The following IKZF1 variants were observed in gnomAD, a reference collection of about 807,000 sequenced individuals.
IKZF1 encodes DNA-binding protein Ikaros.
In IKZF1, 10 loss-of-function variants were observed where a neutral mutation model predicts 51.7. That is an observed-to-expected ratio of 0.19 (90% CI 0.12 to 0.33). IKZF1 has a LOEUF of 0.33. Ranked by LOEUF, IKZF1 falls within the 10% of genes least tolerant of loss-of-function variation. The pLI is 1.00. For missense variants in IKZF1, 484 were observed against 707.5 expected, an observed-to-expected ratio of 0.68 and a Z score of 3.58; for synonymous variants, 280 against 282.3, an observed-to-expected ratio of 0.99 and a Z score of 0.08.
chr7:50,373,793 A>C (rs1809427829), intron 3 of IKZF1, among the ~76,000 whole-genome samples: 1 of 152,178 alleles, frequency 6.6e-6, no homozygotes, highest in Admixed American at 6.5e-5. Flanking sequence ...CACAGCCTCT[A>C]CCTGAGAGTA....
chr7:50,352,705 T>C (rs1324800121), intron 3 of IKZF1, among the ~76,000 whole-genome samples: 1 of 152,222 alleles, frequency 6.6e-6, no homozygotes, highest in African/African-American at 2.4e-5. Flanking sequence ...CTTCAGTTTT[T>C]TCATTTTAAG....
chr7:50,370,735 GC>G (rs1358619367), intron 3 of IKZF1, among the ~76,000 whole-genome samples: 4 of 152,214 alleles, frequency 2.6e-5, no homozygotes, highest in African/African-American at 9.6e-5. Context: ...GTGGGCATGA[GC>G]CAGAGTGTTC....
chr7:50,343,278 C>G (rs915313675), intron 3 of IKZF1, among the ~76,000 whole-genome samples: 1 of 146,326 alleles, frequency 6.8e-6, no homozygotes, highest in African/African-American at 2.5e-5. Context: ...CTTCCTTCCT[C>G]TCTTCTTTTC....
At chr7:50,345,733 A>C (rs952165290) in intron 3 of IKZF1, among the ~76,000 whole-genome samples, 1 of 152,218 alleles carries the variant, frequency 6.6e-6, no homozygotes, top group Admixed American at 6.5e-5. Context: ...AGAATAATCT[A>C]TCTCCTCATC....
intron 2 of IKZF1, among the ~76,000 whole-genome samples, chr7:50,326,649 A>G (rs1349741792): frequency 6.6e-6 from 1 of 152,238 alleles, no homozygotes. Context: ...AAATAAATAC[A>G]GGTATTCTGT....
chr7:50,320,069 C>G (rs1473004562), intron 2 of IKZF1, among the ~76,000 whole-genome samples: 1 of 152,168 alleles, frequency 6.6e-6, no homozygotes, highest in Non-Finnish European at 1.5e-5. Context: ...CTCAGCCGCT[C>G]TATTCATGTT....
At chr7:50,346,230 G>A (rs1800322367) in intron 3 of IKZF1, among the ~76,000 whole-genome samples, 1 of 152,228 alleles carries the variant, frequency 6.6e-6, no homozygotes, top group Admixed American at 6.5e-5. Flanking sequence ...ATGGAAGGCT[G>A]TCGAGAGATC....
chr7:50,325,012 G>A (rs757600389), intron 2 of IKZF1, among the ~76,000 whole-genome samples: 5 of 152,128 alleles, frequency 3.3e-5, no homozygotes, highest in Non-Finnish European at 7.4e-5. Context: ...AATAATGACA[G>A]CTGGTTAATC....
chr7:50,358,643 G>T (rs1301625884), intron 3 of IKZF1, among the ~76,000 whole-genome samples: 2 of 152,226 alleles, frequency 1.3e-5, no homozygotes, highest in African/African-American at 4.8e-5. Context: ...TGGAGGCAGG[G>T]TGCTGCAGCC....
At chr7:50,350,422 T>C (rs1801560074) in intron 3 of IKZF1, among the ~76,000 whole-genome samples, 1 of 152,232 alleles carries the variant, frequency 6.6e-6, no homozygotes. Context: ...TCTGGGAATT[T>C]AGTGAACTGA....
chr7:50,341,232 C>T (rs1272111660), intron 3 of IKZF1, among the ~76,000 whole-genome samples: 1 of 151,728 alleles, frequency 6.6e-6, no homozygotes, highest in Non-Finnish European at 1.5e-5. Context: ...CAGCCTCCAC[C>T]TCTTGGGTTC....
chr7:50,370,841 G>T (rs1202748929), intron 3 of IKZF1, among the ~76,000 whole-genome samples: 1 of 152,154 alleles, frequency 6.6e-6, no homozygotes, highest in African/African-American at 2.4e-5. Flanking sequence ...AAGTAATGGG[G>T]TGGGGGGTTA....
intron 3 of IKZF1, among the ~76,000 whole-genome samples, chr7:50,358,128 G>T (rs549779758): frequency 1.6e-3 from 245 of 152,306 alleles, no homozygotes; most frequent in Non-Finnish European, 2.4e-3. Flanking sequence ...TGGGAAGAGT[G>T]TGTGACCCAA....
At position 50,400,078 on chromosome 7, in the gene IKZF1, T is replaced by C. The variant is rs1371371263; in HGVS notation, c.1011T>C (p.Gly337=). The C allele has an allele frequency of 6.3e-7, 1 of 1,583,402 alleles. No individual in the cohort carries two copies. The highest frequency in any genetic ancestry group is 1.8e-5 in the Admixed American group (1 of 54,700). Residue 337 remains glycine (G), a synonymous_variant, in exon 8 of 8, where the codon GGT becomes GGC. Coordinates refer to ENST00000331340, the MANE Select transcript of IKZF1 (RefSeq NM_006060.6). This position sits in a 1 kb window ranked among gnomAD's most constrained non-coding sequence, Gnocchi z 5.4. Reference sequence around the variant, plus strand: ...CGCTGGTGCAGACGCCCCCGGGCGGTTCCGAGGTGGTCCCGGTCATCAGCC... The same window carrying C: ...CGCTGGTGCAGACGCCCCCGGGCGGCTCCGAGGTGGTCCCGGTCATCAGCC... ...LRPLVQTPPG[G]SEVVPVISPM...
Position 50,339,544 on chromosome 7 carries a change from T to A in IKZF1, c.160+11787T>A, listed in dbSNP as rs1798587211. On this transcript the variant is annotated intron_variant, in intron 3 of 7. Coordinates refer to ENST00000331340, the MANE Select transcript of IKZF1 (RefSeq NM_006060.6). Reference sequence around the variant, plus strand: ...GGCAGGCAGATCATGAGGTCAGGAGTTTGAGACCAGCCTGGCCAATATGGT... The same window carrying A: ...GGCAGGCAGATCATGAGGTCAGGAGATTGAGACCAGCCTGGCCAATATGGT... Among the ~76,000 whole-genome samples the A allele has an allele frequency of 8.6e-5, 13 of 151,318 alleles. No homozygotes were observed. In the South Asian group the frequency reaches 2.7e-3, roughly 32 times the overall value.
At chr7:50,372,252 G>A (rs1369211820) in intron 3 of IKZF1, among the ~76,000 whole-genome samples, 8 of 152,086 alleles carry the variant, frequency 5.3e-5, no homozygotes, top group Admixed American at 6.5e-5. Flanking sequence ...GCATTTTTCC[G>A]CAAAGAAAAG....
At chr7:50,313,553 C>T (rs1307401620) in intron 1 of IKZF1, among the ~76,000 whole-genome samples, 2 of 152,196 alleles carry the variant, frequency 1.3e-5, no homozygotes, top group Non-Finnish European at 2.9e-5. Flanking sequence ...GAGTGTGCGA[C>T]CCCTGCACTG....
chr7:50,313,535 T>G (rs559682359), intron 1 of IKZF1, among the ~76,000 whole-genome samples: 2 of 152,204 alleles, frequency 1.3e-5, no homozygotes, highest in Non-Finnish European at 2.9e-5. Flanking sequence ...TTATCTGTCA[T>G]GCATTTGGAG....
upstream of IKZF1, chr7:50,304,072 C>T: frequency 7.0e-6 from 1 of 143,432 alleles, no homozygotes. Flanking sequence ...CCGAGCGGGC[C>T]CGGCGCGGGC....
Sources: allele counts gnomAD v4.1 joint callset (sites outside exome capture counted in the v4.1 genomes callset), GRCh38; gene constraint gnomAD v4.1.1; non-coding constraint Gnocchi (gnomAD v3.1); transcripts MANE v1.5; gene names NCBI Gene and HGNC (gene_info 2026-07-23, HGNC 2026-07-21).